The following FAM131C variants were observed in gnomAD, a reference collection of about 807,000 sequenced individuals.
FAM131C encodes the protein family with sequence similarity 131 member C, also known as protein FAM131C.
Under a neutral mutation model 29.8 loss-of-function variants are expected in FAM131C, and 14 were observed. The observed-to-expected ratio is 0.47, with a 90% CI of 0.31 to 0.73. The LOEUF (loss-of-function observed/expected upper bound fraction) is 0.73, where lower values mean the gene tolerates loss of function less well. Ranked by LOEUF, FAM131C falls within the 30% of genes least tolerant of loss-of-function variation. The pLI is 0.05. For synonymous variants in FAM131C, 86 were observed against 157.8 expected (o/e 0.54, Z 3.41); for missense variants, 252 against 383.8 (o/e 0.66, Z 2.87).
In FAM131C at chr1:16,059,880, C is replaced by T. The variant is rs545549352; in HGVS notation, c.440G>A (p.Arg147His). The T allele has an allele frequency of 1.2e-5, 15 of 1,240,038 alleles. No homozygotes were observed. The South Asian group carries it at 1.6e-4, about 13-fold the overall frequency. The allele number at this position is 1,240,038 out of a possible 1,614,324, so 76.8% of individuals were successfully genotyped here. ...CCCTCCTCGCTGACCTGCAGCAAAGCGGGCCTCACGCAGCTCATCCGGGAG... is the reference window on the plus strand; with the variant it reads ...CCCTCCTCGCTGACCTGCAGCAAAGTGGGCCTCACGCAGCTCATCCGGGAG... Reference protein sequence around the residue: ...CCLPDELREARFAAGVAEQFA... With the variant: ...CCLPDELREAHFAAGVAEQFA... Residue 147 changes from arginine (R) to histidine (H), a missense_variant, in exon 5 of 7, where the codon CGC becomes CAC. Coordinates refer to ENST00000375662, the MANE Select transcript of FAM131C (RefSeq NM_182623.3).
intron 1 of FAM131C, 121 bp downstream of exon 1, chr1:16,073,299 CA>C: frequency 2.1e-6 from 1 of 477,268 alleles, no homozygotes; most frequent in Non-Finnish European, 3.2e-6. Context: ...GCCGCGTCCC[CA>C]GGGGTGCGGC....
At chr1:16,073,304 G>C in intron 1 of FAM131C, 117 bp downstream of exon 1, 2 of 494,752 alleles carry the variant, frequency 4.0e-6, no homozygotes, top group East Asian at 8.1e-5. Flanking sequence ...GTCCCCAGGG[G>C]TGCGGCGGGG....
intron 3 of FAM131C, 75 bp downstream of exon 3, chr1:16,062,424 G>A (rs1408026081): frequency 2.8e-4 from 425 of 1,514,302 alleles, no homozygotes; most frequent in Non-Finnish European, 3.4e-4. Context: ...TGTGTGCCTG[G>A]GCTGGGCACA....
rs2023517292 is a variant in FAM131C, at chr1:16,058,356, C to T, written c.*81G>A. 1.8e-5 allele frequency: 25 copies of T among 1,369,796 alleles called. No individual in the cohort carries two copies. The highest frequency in any genetic ancestry group is 2.7e-4 in the Middle Eastern group (1 of 3,704). The allele number at this position is 1,369,796 out of a possible 1,614,324, so 84.9% of individuals were successfully genotyped here. On this transcript the variant is annotated 3_prime_UTR_variant, in exon 7 of 7. Transcript: ENST00000375662. Reference sequence around the variant, plus strand: ...GGGTCAAGGGATGCCCTGCCCTGGACCCCGGGGTCCAGATATGCCTGGGCT... The same window carrying T: ...GGGTCAAGGGATGCCCTGCCCTGGATCCCGGGGTCCAGATATGCCTGGGCT...
At chr1:16,061,879 T>G (rs2023598940) in intron 4 of FAM131C, among the ~76,000 whole-genome samples, 1 of 151,152 alleles carries the variant, frequency 6.6e-6, no homozygotes, top group Non-Finnish European at 1.5e-5. Flanking sequence ...CCTCAGAGCT[T>G]CTTGAGAACC....
chr1:16,061,916 C>G (rs2023599565), intron 4 of FAM131C, among the ~76,000 whole-genome samples, 183 bp downstream of exon 4: 1 of 151,430 alleles, frequency 6.6e-6, no homozygotes, highest in Admixed American at 6.6e-5. Flanking sequence ...GGAAGCAGAA[C>G]CCTGAGCCAC....
At chr1:16,066,186 C>G (rs2023680212) in intron 1 of FAM131C, among the ~76,000 whole-genome samples, 1 of 152,174 alleles carries the variant, frequency 6.6e-6, no homozygotes, top group African/African-American at 2.4e-5. Context: ...CACGCCCAGC[C>G]TGAGATTCAA....
At chr1:16,062,393 C>G (rs1199291184) in intron 3 of FAM131C, 106 bp downstream of exon 3, 28 of 1,255,874 alleles carry the variant, frequency 2.2e-5, no homozygotes, top group South Asian at 3.2e-5. Context: ...CCCCCCCCCC[C>G]CGCCCCAGGG....
chr1:16,073,005 T>G (rs1570360887), intron 1 of FAM131C, among the ~76,000 whole-genome samples: 1 of 142,680 alleles, frequency 7.0e-6, no homozygotes, highest in Non-Finnish European at 1.5e-5. Flanking sequence ...GCTGTGGGGG[T>G]GAGCTGGTAA....
chr1:16,063,119 A>T (rs553830744), intron 2 of FAM131C, among the ~76,000 whole-genome samples: 1 of 147,754 alleles, frequency 6.8e-6, no homozygotes, highest in East Asian at 1.9e-4. Context: ...TATATATAAT[A>T]TATAAATTAT....
chr1:16,058,492 A>C lies in FAM131C; in HGVS notation c.788T>G (p.Leu263Arg), dbSNP rs1159877500. The change falls in exon 7 of 7, where the codon CTC (leucine) becomes CGC (arginine). Residue 263 changes from leucine to arginine, a missense_variant. By Grantham distance (102) the Leu-to-Arg change is moderately radical. This residue lies in a region of FAM131C where 42 missense variants were observed against 51.7 expected (regional missense o/e 0.81). Coordinates refer to ENST00000375662, the MANE Select transcript of FAM131C (RefSeq NM_182623.3). The stretch of plus-strand genomic sequence containing the variant: ...GAGGGAGCCGCTGTCCATGGAGGGG[A>C]GGGAGCCCGGGGGGTGGGTCCCACC... ...PEGGTHPPGSLPSMDSGSLWE... is the reference protein window; with the variant it reads ...PEGGTHPPGSRPSMDSGSLWE... 2.3e-5 allele frequency: 34 copies of C among 1,504,412 alleles called. No homozygotes were observed. The highest frequency in any genetic ancestry group is 2.8e-5 in the Non-Finnish European group (32 of 1,128,536). 93.2% of individuals were successfully genotyped at this position (1,504,412 alleles called of 1,614,324 possible).
In FAM131C at chr1:16,059,900, C is replaced by A. The variant is rs115727156; in HGVS notation, c.420G>T (p.Pro140=). The part of the protein sequence containing the change: ...PAEDEHYCCL[P]DELREARFAA... ...CAAAGCGGGCCTCACGCAGCTCATC[C>A]GGGAGGCAGCAGTAATGCTCGTCCT... Residue 140 remains proline, a synonymous_variant, in exon 5 of 7, where the codon CCG becomes CCT. Transcript: ENST00000375662. 1.5e-6 allele frequency: 2 copies of A among 1,335,164 alleles called. No individual in the cohort carries two copies. Among genetic ancestry groups the A allele is most frequent in the African/African-American group, 3.5e-5 (2 of 56,650 alleles). 82.7% of individuals were successfully genotyped at this position (1,335,164 alleles called of 1,614,324 possible).
intron 5 of FAM131C, 111 bp downstream of exon 5, chr1:16,059,758 A>T (rs1285357913): frequency 4.8e-5 from 52 of 1,073,280 alleles, no homozygotes; most frequent in Non-Finnish European, 6.6e-5. Context: ...ATACTCACCC[A>T]CCCTATGCCA....
At chr1:16,061,980 G>T in intron 4 of FAM131C, 119 bp downstream of exon 4, 1 of 916,424 alleles carries the variant, frequency 1.1e-6, no homozygotes, top group Non-Finnish European at 1.7e-6. Context: ...TTAGAACATG[G>T]AGAATCCAAT....
intron 1 of FAM131C, among the ~76,000 whole-genome samples, chr1:16,072,356 G>T (rs1165743662): frequency 6.6e-6 from 1 of 152,192 alleles, no homozygotes; most frequent in Non-Finnish European, 1.5e-5. Flanking sequence ...GAAGGTCATT[G>T]TGCTCCTTGC....
intron 1 of FAM131C, among the ~76,000 whole-genome samples, chr1:16,065,335 G>C (rs926313292): frequency 1.3e-5 from 2 of 152,116 alleles, no homozygotes; most frequent in Non-Finnish European, 2.9e-5. Flanking sequence ...TCTATTCCAG[G>C]TCTCCCGGCT....
chr1:16,061,057 C>T (rs2023585501), intron 4 of FAM131C, among the ~76,000 whole-genome samples: 1 of 152,094 alleles, frequency 6.6e-6, no homozygotes, highest in South Asian at 2.1e-4. Flanking sequence ...GAGAATAGAT[C>T]TGGGAGTCAC....
At chr1:16,062,838 C>T (rs563196100) in intron 2 of FAM131C, among the ~76,000 whole-genome samples, 2 of 152,352 alleles carry the variant, frequency 1.3e-5, no homozygotes, top group Non-Finnish European at 2.9e-5. Context: ...GCTCCGAACA[C>T]GTCTCTTCCT....
intron 1 of FAM131C, among the ~76,000 whole-genome samples, chr1:16,070,988 G>A (rs1444414455): frequency 6.6e-6 from 1 of 152,234 alleles, no homozygotes; most frequent in Non-Finnish European, 1.5e-5. Context: ...GGTTTGGCTG[G>A]GTGGCCCCAG....
Sources: allele counts gnomAD v4.1 joint callset (sites outside exome capture counted in the v4.1 genomes callset), GRCh38; gene constraint gnomAD v4.1.1; regional missense constraint gnomAD v4.1.1; transcripts MANE v1.5; gene names NCBI Gene and HGNC (gene_info 2026-07-23, HGNC 2026-07-21).